PID1: variants seen among roughly 807,000 people sequenced by gnomAD.
PID1 encodes PTB-containing, cubilin and LRP1-interacting protein.
In PID1, 10 loss-of-function variants were observed where a neutral mutation model predicts 19.1. The observed-to-expected ratio is 0.52, with a 90% CI of 0.32 to 0.89. The LOEUF is 0.89. PID1 is among the 40% of genes least tolerant of loss of function. The pLI is 0.03. For synonymous variants in PID1, 130 were observed against 116.0 expected, an observed-to-expected ratio of 1.12 and a Z score of -0.78; for missense variants, 248 against 285.3, an observed-to-expected ratio of 0.87 and a Z score of 0.94.
At chr2:229,092,057 G>T (rs1400121061) in intron 2 of PID1, among the ~76,000 whole-genome samples, 1 of 111,990 alleles carries the variant, frequency 8.9e-6, no homozygotes, top group Admixed American at 8.0e-5. Context: ...AATGCCAATC[G>T]TCCTGGCTTG....
At chr2:229,112,636 C>A (rs1425389743) in intron 2 of PID1, among the ~76,000 whole-genome samples, 3 of 152,132 alleles carry the variant, frequency 2.0e-5, no homozygotes, top group South Asian at 4.1e-4. Flanking sequence ...CAGGTGCCTG[C>A]CACCAGGCCT....
chr2:229,069,583 T>C (rs1227342143), intron 2 of PID1, among the ~76,000 whole-genome samples: 1 of 152,178 alleles, frequency 6.6e-6, no homozygotes, highest in African/African-American at 2.4e-5. Context: ...AGTTGGACAA[T>C]ATTGAATAAC....
chr2:229,124,609 G>A (rs1456039608), intron 2 of PID1, among the ~76,000 whole-genome samples: 1 of 151,840 alleles, frequency 6.6e-6, no homozygotes, highest in Non-Finnish European at 1.5e-5. Context: ...CTTGAAAATG[G>A]GATTCAGTAA....
chr2:229,039,384 G>C (rs1693723409), intron 2 of PID1, among the ~76,000 whole-genome samples: 2 of 152,110 alleles, frequency 1.3e-5, no homozygotes, highest in Admixed American at 1.3e-4. Context: ...TTAAAGAAGA[G>C]CTTGTTCATG....
chr2:229,117,643 CA>C (rs1337387798), intron 2 of PID1, among the ~76,000 whole-genome samples: 1 of 152,118 alleles, frequency 6.6e-6, no homozygotes, highest in Non-Finnish European at 1.5e-5. Flanking sequence ...GACCAAAGAT[CA>C]CCAACAACTC....
intron 1 of PID1, among the ~76,000 whole-genome samples, chr2:229,224,430 T>C (rs1380635644): frequency 6.6e-6 from 1 of 152,192 alleles, no homozygotes. Flanking sequence ...CTTCACATTA[T>C]CTTTTGGGTG....
At chr2:229,193,938 G>T (rs1326094532) in intron 1 of PID1, among the ~76,000 whole-genome samples, 2 of 152,050 alleles carry the variant, frequency 1.3e-5, no homozygotes, top group Admixed American at 6.6e-5. Context: ...TCCCAAGAGG[G>T]CAAGCAATAA....
rs1357663816 is a variant in PID1, at chr2:229,262,758, T to C, written c.30+8256A>G. ...CATCCAAAAGCTCTGGAGAAGAACA[T>C]GTCCTCGACTCTTCTAACATCAGGT... is the stretch of plus-strand genomic sequence containing the variant. On this transcript the variant is annotated intron_variant, in intron 1 of 2. Transcript: ENST00000392055. 7 of 1,551,612 alleles carry C rather than the reference T, an allele frequency of 4.5e-6. No individual in the cohort carries two copies. In the East Asian group the frequency reaches 9.8e-5, roughly 22 times the overall value.
chr2:229,216,118 G>GAAGGTGA (rs1395285819), intron 1 of PID1, among the ~76,000 whole-genome samples: 1 of 152,184 alleles, frequency 6.6e-6, no homozygotes, highest in African/African-American at 2.4e-5. Context: ...AGGGCTCTCG[G>GAAGGTGA]AAGGTGAAGC....
At chr2:229,090,492 CA>C (rs757223095) in intron 2 of PID1, among the ~76,000 whole-genome samples, 36 of 152,284 alleles carry the variant, frequency 2.4e-4, no homozygotes, top group Non-Finnish European at 4.0e-4. Context: ...AGGGCAACTG[CA>C]GTGTCCAGTG....
At chr2:229,055,572 C>T (rs1694081923) in intron 2 of PID1, among the ~76,000 whole-genome samples, 1 of 152,148 alleles carries the variant, frequency 6.6e-6, no homozygotes, top group Non-Finnish European at 1.5e-5. Flanking sequence ...TATGACTTTT[C>T]CCATTCATAA....
chr2:229,051,365 T>A (rs1003454134), intron 2 of PID1, among the ~76,000 whole-genome samples: 9 of 152,126 alleles, frequency 5.9e-5, no homozygotes, highest in African/African-American at 2.2e-4. Flanking sequence ...TGAGACAGGG[T>A]CTTACTCTGT....
intron 1 of PID1, among the ~76,000 whole-genome samples, chr2:229,180,024 A>G (rs1690906264): frequency 6.6e-6 from 1 of 152,194 alleles, no homozygotes; most frequent in Admixed American, 6.5e-5. Context: ...GGGACTGGCT[A>G]AATCTCCTGT....
chr2:229,254,125 C>T (rs144113078), intron 1 of PID1, among the ~76,000 whole-genome samples: 62 of 152,088 alleles, frequency 4.1e-4, no homozygotes, highest in African/African-American at 1.5e-3. Context: ...ACATAGTCCC[C>T]GTGGCTAAAG....
chr2:229,168,796 T>C (rs1373156092), intron 1 of PID1, among the ~76,000 whole-genome samples: 1 of 152,188 alleles, frequency 6.6e-6, no homozygotes, highest in Non-Finnish European at 1.5e-5. Flanking sequence ...CTAAGGTAAA[T>C]AGCATTTTTA....
In PID1 at chr2:229,149,718, C is replaced by G. The variant is rs555279831; in HGVS notation, c.177+6100G>C. Among the ~76,000 whole-genome samples the G allele has an allele frequency of 4.6e-5, 7 of 152,300 alleles. No homozygotes were observed. In the South Asian group the frequency reaches 1.4e-3, roughly 32 times the overall value. On this transcript the variant is annotated intron_variant, in intron 2 of 2. Coordinates refer to ENST00000392055, the MANE Select transcript of PID1 (RefSeq NM_001100818.2). ...ATAAATGGGAAGATGACCGTAGCGGCTTTAGACTGGGCTTCACATCAAGCC... is the reference window on the plus strand; with the variant it reads ...ATAAATGGGAAGATGACCGTAGCGGGTTTAGACTGGGCTTCACATCAAGCC...
intron 2 of PID1, among the ~76,000 whole-genome samples, chr2:229,037,396 T>C (rs979088894): frequency 6.6e-6 from 1 of 152,168 alleles, no homozygotes; most frequent in Non-Finnish European, 1.5e-5. Context: ...CACAATTAGG[T>C]AGTAAAGTGA....
intron 1 of PID1, among the ~76,000 whole-genome samples, chr2:229,185,968 G>A (rs766675371): frequency 6.6e-6 from 1 of 152,180 alleles, no homozygotes; most frequent in South Asian, 2.1e-4. Context: ...CTACGAGCCT[G>A]TAAAATCAAA....
intron 1 of PID1, among the ~76,000 whole-genome samples, chr2:229,254,543 T>A (rs1382888996): frequency 6.6e-6 from 1 of 152,204 alleles, no homozygotes; most frequent in Non-Finnish European, 1.5e-5. Context: ...AAGTAACTAA[T>A]CATGTTTCTC....
Sources: gnomAD v4.1 joint callset for allele counts (sites outside exome capture counted in the v4.1 genomes callset) on GRCh38, gnomAD v4.1.1 for gene constraint, MANE v1.5 for transcripts, NCBI Gene and HGNC (gene_info 2026-07-23, HGNC 2026-07-21) for gene names.